SLC6A2: variants seen among roughly 807,000 people sequenced by gnomAD.
SLC6A2 encodes the protein solute carrier family 6 member 2, also known as sodium-dependent noradrenaline transporter.
Under a neutral mutation model 71.7 loss-of-function variants are expected in SLC6A2, and 26 were observed. That is an observed-to-expected ratio of 0.36 (90% CI 0.27 to 0.50). The LOEUF (loss-of-function observed/expected upper bound fraction) is 0.50. Among genes scored for constraint, SLC6A2 ranks in the 20% least tolerant of loss-of-function variants. SLC6A2 has a pLI of 0.96. For missense variants in SLC6A2, 581 were observed against 803.9 expected, an observed-to-expected ratio of 0.72 and a Z score of 3.35; for synonymous variants, 363 against 337.9, an observed-to-expected ratio of 1.07 and a Z score of -0.82.
At chr16:55,686,147 T>C (rs1187904649) in intron 5 of SLC6A2, among the ~76,000 whole-genome samples, 2 of 152,298 alleles carry the variant, frequency 1.3e-5, no homozygotes, top group East Asian at 3.9e-4. Flanking sequence ...ATTCTATGGG[T>C]TGATTGGGAT....
chr16:55,697,796 A>G (rs1965844821), intron 9 of SLC6A2, 101 bp from the exon 10 acceptor site: 3 of 1,274,838 alleles, frequency 2.4e-6, no homozygotes, highest in African/African-American at 1.5e-5. Flanking sequence ...GGCAGCCTAC[A>G]TGAGTCCTGG....
chr16:55,691,237 GAGA>G (rs1965614625), intron 5 of SLC6A2, among the ~76,000 whole-genome samples: 1 of 5,662 alleles, frequency 1.8e-4, no homozygotes, highest in African/African-American at 3.5e-4. Context: ...GGGGGAGAGA[GAGA>G]GAGAGAGAGA....
At chr16:55,671,822 C>G in intron 3 of SLC6A2, 116 bp from the exon 4 acceptor site, 39 of 1,543,198 alleles carry the variant, frequency 2.5e-5, no homozygotes, top group Non-Finnish European at 3.4e-5. Context: ...GACCGCTGTT[C>G]TGCAGGAAAC....
chr16:55,671,522 G>GCAGC (rs1964912974), intron 3 of SLC6A2: 4 of 351,336 alleles, frequency 1.1e-5, no homozygotes, highest in Non-Finnish European at 2.1e-5. Context: ...CAGGAGGTGA[G>GCAGC]CAGCGGGTAA....
intron 3 of SLC6A2, among the ~76,000 whole-genome samples, chr16:55,671,043 A>G (rs1373936706): frequency 6.6e-6 from 1 of 152,252 alleles, no homozygotes; most frequent in Non-Finnish European, 1.5e-5. Flanking sequence ...GGCTGAGAGT[A>G]GGACCCAGAA....
At position 55,672,188 on chromosome 16, in the gene SLC6A2, C is replaced by T; in HGVS notation, c.644+13C>T. ...CCGAGTTTTATGAGTAAGTCACAGA[C>T]CCCTTGTGCTGGGCCTGTTGAGGCC... On this transcript the variant is annotated intron_variant, in intron 4 of 14. Coordinates refer to ENST00000568943, the MANE Select transcript of SLC6A2 (RefSeq NM_001172501.3). 6.2e-7 allele frequency: 1 copy of T among 1,614,164 alleles called. No homozygotes were observed. Among genetic ancestry groups the T allele is most frequent in the South Asian group, 1.1e-5 (1 of 91,080 alleles).
At position 55,667,986 on chromosome 16, in the gene SLC6A2, A is replaced by G. The variant is rs919386714; in HGVS notation, c.275-1579A>G. Among the ~76,000 whole-genome samples the G allele has an allele frequency of 3.9e-5, 6 of 152,310 alleles. No individual in the cohort carries two copies. In the South Asian group the frequency reaches 6.2e-4, roughly 16 times the overall value. On this transcript the variant is annotated intron_variant, in intron 2 of 14. Transcript: ENST00000568943. ...CTGAAAAATGGGTATAGCAGTTGCTATGTCAGAGGGTTTCTGGGTAGTGTA... is the reference window on the plus strand; with the variant it reads ...CTGAAAAATGGGTATAGCAGTTGCTGTGTCAGAGGGTTTCTGGGTAGTGTA...
Position 55,691,557 on chromosome 16 carries a change from T to G in SLC6A2, c.784-361T>G, listed in dbSNP as rs114517463. Among the ~76,000 whole-genome samples, 419 of 152,320 alleles carry G rather than the reference T, an allele frequency of 2.8e-3. 5 individuals carry two copies. The highest frequency in any genetic ancestry group is 8.9e-3 in the African/African-American group (370 of 41,576). On this transcript the variant is annotated intron_variant, in intron 5 of 14. Coordinates refer to ENST00000568943, the MANE Select transcript of SLC6A2 (RefSeq NM_001172501.3). ...ATATATGGGAAAGTTCTTCATTTTATGGAGTCAGGAGTCTTTCCTTGAAGG... is the reference window on the plus strand; with the variant it reads ...ATATATGGGAAAGTTCTTCATTTTAGGGAGTCAGGAGTCTTTCCTTGAAGG...
intron 11 of SLC6A2, 21 bp downstream of exon 11, chr16:55,698,589 G>T (rs754264436): frequency 1.3e-6 from 2 of 1,532,142 alleles, no homozygotes; most frequent in Non-Finnish European, 1.8e-6. Context: ...GTGTGGAAAA[G>T]CCTCAGCTCC....
In SLC6A2 at chr16:55,695,419, C is replaced by T. The variant is rs1408179075; in HGVS notation, c.1147+17C>T. On this transcript the variant is annotated intron_variant, in intron 8 of 14. Transcript: ENST00000568943. ...CCACAGAAGGTGGGTGGGCAGCCCA[C>T]CTGGGCCCCAGCCCACTGAGGCGGG... The T allele has an allele frequency of 3.1e-6, 5 of 1,613,886 alleles. No homozygotes were observed. The highest frequency in any genetic ancestry group is 4.5e-5 in the East Asian group (2 of 44,892).
At chr16:55,690,409 GA>G (rs771682398) in intron 5 of SLC6A2, among the ~76,000 whole-genome samples, 1 of 152,062 alleles carries the variant, frequency 6.6e-6, no homozygotes, top group Non-Finnish European at 1.5e-5. Context: ...TTTTTGTTTA[GA>G]GCCCATATCT....
chr16:55,692,310 G>A (rs1450578642), intron 6 of SLC6A2, among the ~76,000 whole-genome samples: 3 of 152,140 alleles, frequency 2.0e-5, no homozygotes, highest in Non-Finnish European at 2.9e-5. Context: ...TACTCTTTTT[G>A]AGGAGAGAAA....
intron 4 of SLC6A2, among the ~76,000 whole-genome samples, chr16:55,681,005 C>T (rs1484014942): frequency 6.6e-6 from 1 of 152,068 alleles, no homozygotes; most frequent in East Asian, 1.9e-4. Context: ...TGCTCCCTCC[C>T]CTACACCTGT....
intron 2 of SLC6A2, among the ~76,000 whole-genome samples, chr16:55,664,954 G>C (rs1172383173): frequency 6.6e-6 from 1 of 152,176 alleles, no homozygotes; most frequent in South Asian, 2.1e-4. Flanking sequence ...AACAGCCTCA[G>C]GCACCCTTCT....
intron 2 of SLC6A2, among the ~76,000 whole-genome samples, chr16:55,660,468 C>T (rs756005675): frequency 1.3e-5 from 2 of 152,222 alleles, no homozygotes; most frequent in Non-Finnish European, 2.9e-5. Flanking sequence ...TCCCTCTGGG[C>T]TTTATCTCTG....
At position 55,696,076 on chromosome 16, in the gene SLC6A2, A is replaced by C. The variant is rs1413458608; in HGVS notation, c.1148-149A>C. ...CTCTCCGATGCACAGGTGAGCTGTA[A>C]GTTCATGCTGATTTCATCTGTTATC... On this transcript the variant is annotated intron_variant, in intron 8 of 14. Coordinates refer to ENST00000568943, the MANE Select transcript of SLC6A2 (RefSeq NM_001172501.3). 8.5e-6 allele frequency: 6 copies of C among 702,402 alleles called. No homozygotes were observed. The African/African-American group carries it at 1.0e-4, about 12-fold the overall frequency. The allele number at this position is 702,402 out of a possible 1,614,324, so 43.5% of individuals were successfully genotyped here. A position where few individuals can be genotyped will look rare whatever the true frequency, so the allele number is the denominator to read the frequency against.
In SLC6A2 at chr16:55,670,514, A is replaced by G. The variant is rs531436946; in HGVS notation, c.406+818A>G. ...TAAAGTCCGGGGATTGGCTTCAGGT[A>G]TAGATAGATCCAGATGCCCAAATAA... On this transcript the variant is annotated intron_variant, in intron 3 of 14. Transcript: ENST00000568943. 3.2e-4 allele frequency among the ~76,000 whole-genome samples: 49 copies of G among 152,340 alleles called. No homozygotes were observed. In the South Asian group the frequency reaches 0.01, roughly 32 times the overall value.
chr16:55,677,939 G>T (rs1316039863), intron 4 of SLC6A2, among the ~76,000 whole-genome samples: 1 of 152,182 alleles, frequency 6.6e-6, no homozygotes, highest in African/African-American at 2.4e-5. Flanking sequence ...GGGATTACAG[G>T]TGTGAGCCAC....
intron 9 of SLC6A2, among the ~76,000 whole-genome samples, chr16:55,697,549 A>G (rs1159463936): frequency 1.3e-5 from 2 of 152,086 alleles, no homozygotes; most frequent in African/African-American, 2.4e-5. Context: ...TGACATGTAA[A>G]CGTATGACAT....
Sources: gnomAD v4.1 joint callset for allele counts (sites outside exome capture counted in the v4.1 genomes callset) on GRCh38, gnomAD v4.1.1 for gene constraint, MANE v1.5 for transcripts, NCBI Gene and HGNC (gene_info 2026-07-23, HGNC 2026-07-21) for gene names.